The following PCDHA5 variants were observed in gnomAD, a reference collection of about 807,000 sequenced individuals.
The protein encoded by PCDHA5 is protocadherin alpha-5.
A neutral mutation model predicts 61.6 loss-of-function variants in PCDHA5; 43 were observed. The observed-to-expected ratio is 0.70, with a 90% CI of 0.55 to 0.90. PCDHA5 has a LOEUF of 0.90. PCDHA5 is among the 40% of genes least tolerant of loss of function. PCDHA5 has a pLI of 0.00. For synonymous variants in PCDHA5, 627 were observed against 543.9 expected (o/e 1.15, Z -2.13); for missense variants, 1,298 against 1,222.7 (o/e 1.06, Z -0.92).
chr5:140,828,896 C>A lies in PCDHA5; in HGVS notation c.2352+4769C>A, dbSNP rs138760871. On this transcript the variant is annotated intron_variant, in intron 1 of 3. Coordinates refer to ENST00000529859, the MANE Select transcript of PCDHA5 (RefSeq NM_018908.3). ...AGTTATCAGACTGAATGCTTCTGAT[C>A]GGGATGAAGGAGCGAATGGGGCAAT... 63 of 1,614,060 alleles carry A rather than the reference C, an allele frequency of 3.9e-5. No homozygotes were observed. In the Admixed American group the frequency reaches 8.8e-4, roughly 23 times the overall value.
intron 1 of PCDHA5, among the ~76,000 whole-genome samples, chr5:140,936,014 T>C (rs1405282987): frequency 4.0e-5 from 6 of 151,334 alleles, no homozygotes; most frequent in Non-Finnish European, 8.8e-5. Flanking sequence ...CACCTCAGCC[T>C]CCCGAGTAGC....
intron 1 of PCDHA5, chr5:140,927,555 C>T (rs1554204727): frequency 8.7e-6 from 14 of 1,614,058 alleles, no homozygotes; most frequent in East Asian, 2.2e-5. Flanking sequence ...AAGTCACCAT[C>T]ATTGTGGTGG....
intron 1 of PCDHA5, among the ~76,000 whole-genome samples, chr5:140,886,964 A>T (rs2061244320): frequency 6.6e-6 from 1 of 152,114 alleles, no homozygotes; most frequent in Admixed American, 6.5e-5. Context: ...TTAGCAACGA[A>T]ATTTATTATT....
intron 1 of PCDHA5, chr5:140,883,205 A>C: frequency 6.2e-7 from 1 of 1,614,036 alleles, no homozygotes; most frequent in Non-Finnish European, 8.5e-7. Flanking sequence ...TTTCGAAGAA[A>C]AGAAATTATA....
intron 1 of PCDHA5, chr5:140,853,001 C>A (rs1254366907): frequency 3.9e-5 from 12 of 305,202 alleles, no homozygotes; most frequent in Non-Finnish European, 6.0e-5. Context: ...GCCTCAGCCT[C>A]CCGAGTAGCT....
At chr5:140,928,282 C>G in intron 1 of PCDHA5, 1 of 1,614,166 alleles carries the variant, frequency 6.2e-7, no homozygotes, top group Non-Finnish European at 8.5e-7. Flanking sequence ...TGGGGCCTCT[C>G]TAGGCCGAGT....
chr5:140,877,699 A>G (rs1554169995), intron 1 of PCDHA5: 2 of 1,613,896 alleles, frequency 1.2e-6, no homozygotes, highest in Middle Eastern at 1.7e-4. Flanking sequence ...GGTGTGCTCC[A>G]GCGCCGTGGG....
intron 1 of PCDHA5, among the ~76,000 whole-genome samples, chr5:140,889,476 C>G (rs2062241146): frequency 6.6e-6 from 1 of 152,054 alleles, no homozygotes; most frequent in South Asian, 2.1e-4. Flanking sequence ...TATGCTCATA[C>G]TTTCTACAGA....
At chr5:140,950,065 G>A (rs1403260430) in intron 1 of PCDHA5, among the ~76,000 whole-genome samples, 1 of 151,574 alleles carries the variant, frequency 6.6e-6, no homozygotes, top group Non-Finnish European at 1.5e-5. Context: ...AGCTCTTCCT[G>A]TGCCATTGCT....
At chr5:140,867,118 T>C (rs2049765139) in intron 1 of PCDHA5, 1 of 152,172 alleles carries the variant, frequency 6.6e-6, no homozygotes, top group Admixed American at 6.5e-5. Context: ...CATATTGTTT[T>C]AATTCAAATA....
At chr5:140,857,412 C>G (rs782751627) in intron 1 of PCDHA5, 1 of 1,598,338 alleles carries the variant, frequency 6.3e-7, no homozygotes, top group Admixed American at 1.7e-5. Context: ...CCTGCGTTCG[C>G]GCAGTCCGAG....
chr5:140,875,952 G>A (rs782164384), intron 1 of PCDHA5: 2 of 1,614,102 alleles, frequency 1.2e-6, no homozygotes, highest in South Asian at 2.2e-5. Flanking sequence ...CTTCTGATGC[G>A]GATATCGGCG....
At chr5:140,829,572 T>C (rs1770395832) in intron 1 of PCDHA5, 2 of 1,612,506 alleles carry the variant, frequency 1.2e-6, no homozygotes, top group Non-Finnish European at 8.5e-7. Flanking sequence ...TCCTACTCGC[T>C]GGTGGAGCGG....
Position 140,825,402 on chromosome 5 carries a change from ATATATTT to A in PCDHA5, c.2352+1281_2352+1287del, listed in dbSNP as rs1255200035. 3 of 146,358 alleles carry A rather than the reference ATATATTT, an allele frequency of 2.0e-5. No homozygotes were observed. In the East Asian group the frequency reaches 5.8e-4, roughly 28 times the overall value. 9.1% of individuals were successfully genotyped at this position (146,358 alleles called of 1,614,324 possible). A position where few individuals can be genotyped will look rare whatever the true frequency, so the allele number is the denominator to read the frequency against. On this transcript the variant is annotated intron_variant, in intron 1 of 3. Transcript: ENST00000529859. The stretch of plus-strand genomic sequence containing the variant: ...ATATCTAATATATATCTAATATATT[ATATATTT>A]TATATAATATATATAATAAATATAT...
chr5:140,822,419 A>C lies in PCDHA5; in HGVS notation c.644A>C (p.Asp215Ala). ...QEHRLLVIAT[D>A]GGKPELTGTV... ...CACCGTTTATTAGTGATTGCAACTG[A>C]TGGAGGAAAACCCGAACTAACAGGT... The change falls in exon 1 of 4, where the codon GAT (aspartate) becomes GCT (alanine). Residue 215 changes from aspartate (D) to alanine (A), a missense_variant. Asp to Ala is a moderately radical substitution (Grantham distance 126). Coordinates refer to ENST00000529859, the MANE Select transcript of PCDHA5 (RefSeq NM_018908.3). 1.3e-5 allele frequency: 21 copies of C among 1,614,096 alleles called. No individual in the cohort carries two copies. The highest frequency in any genetic ancestry group is 1.8e-5 in the Non-Finnish European group (21 of 1,180,028).
chr5:140,967,012 G>C (rs1554229065), intron 1 of PCDHA5: 1 of 1,606,656 alleles, frequency 6.2e-7, no homozygotes, highest in African/African-American at 1.3e-5. Flanking sequence ...TCAACCATCT[G>C]GGTGCGCCCA....
chr5:140,965,748 C>T (rs1010303564), intron 1 of PCDHA5, among the ~76,000 whole-genome samples: 1 of 152,174 alleles, frequency 6.6e-6, no homozygotes, highest in Non-Finnish European at 1.5e-5. Flanking sequence ...TCCCCATTGT[C>T]GCCAAAATGG....
chr5:140,842,452 C>G lies in PCDHA5; in HGVS notation c.2352+18325C>G, dbSNP rs1777963024. The G allele has an allele frequency of 8.1e-6, 13 of 1,613,732 alleles. 1 individual carries two copies. The highest frequency in any genetic ancestry group is 2.7e-5 in the African/African-American group (2 of 74,852). On this transcript the variant is annotated intron_variant, in intron 1 of 3. Transcript: ENST00000529859. The stretch of plus-strand genomic sequence containing the variant: ...TCGCCCTAATTAGCGTGAACGACCT[C>G]GATTCAGGTGCCAACGGGCAGGTGA...
intron 1 of PCDHA5, among the ~76,000 whole-genome samples, chr5:140,977,960 A>G (rs760810328): frequency 9.2e-5 from 14 of 152,142 alleles, no homozygotes; most frequent in Non-Finnish European, 1.3e-4. Flanking sequence ...GGCCACCTCA[A>G]TCTCCGCCCA....
Sources: allele counts gnomAD v4.1 joint callset (sites outside exome capture counted in the v4.1 genomes callset), GRCh38; gene constraint gnomAD v4.1.1; transcripts MANE v1.5; gene names NCBI Gene and HGNC (gene_info 2026-07-23, HGNC 2026-07-21).